The following ZNF841 variants were observed in gnomAD, a reference collection of about 807,000 sequenced individuals.
ZNF841 encodes the protein zinc finger protein 841.
In ZNF841, 11 loss-of-function variants were observed where a neutral mutation model predicts 13.0. The ratio of observed to expected loss-of-function variants is 0.85; its 90% CI spans 0.53 to 1.40. ZNF841 has a LOEUF of 1.40. ZNF841 is among the 40% of genes most tolerant of loss of function. The pLI, the probability that ZNF841 is intolerant of heterozygous loss-of-function variation, is 0.00. For missense variants in ZNF841, 1,068 were observed against 1,139.5 expected (o/e 0.94, Z 0.90); for synonymous variants, 369 against 381.6 (o/e 0.97, Z 0.38).
chr19:52,078,470 T>G (rs983395818), intron 4 of ZNF841, among the ~76,000 whole-genome samples: 1 of 151,954 alleles, frequency 6.6e-6, no homozygotes. Context: ...GAGGCCGAGG[T>G]GGGCGGATCA....
At position 52,079,447 on chromosome 19, in the gene ZNF841, A is replaced by C. The variant is rs1283948678; in HGVS notation, c.16-2363T>G. Among the ~76,000 whole-genome samples, 6 of 151,278 alleles carry C rather than the reference A, an allele frequency of 4.0e-5. No individual in the cohort carries two copies. In the East Asian group the frequency reaches 9.6e-4, roughly 24 times the overall value. Reference sequence around the variant, plus strand: ...GGAAATCTGTAAAAAAAAAAAAAAAAAAAAAACCCAAAAACTGTTAAGGAA... The same window carrying C: ...GGAAATCTGTAAAAAAAAAAAAAAACAAAAAACCCAAAAACTGTTAAGGAA... On this transcript the variant is annotated intron_variant, in intron 4 of 6. Coordinates refer to ENST00000594440, the MANE Select transcript of ZNF841 (RefSeq NM_001136499.2).
At chr19:52,091,791 T>C (rs540748006) in intron 2 of ZNF841, among the ~76,000 whole-genome samples, 16 of 152,168 alleles carry the variant, frequency 1.1e-4, no homozygotes, top group Non-Finnish European at 1.5e-4. Context: ...TTTTTGGATA[T>C]GACACCAAAA....
chr19:52,084,730 T>A (rs1031468318), intron 4 of ZNF841, 57 bp downstream of exon 4: 22 of 1,585,546 alleles, frequency 1.4e-5, no homozygotes, highest in Non-Finnish European at 1.9e-5. Context: ...GCAGCTCCAA[T>A]GCCCTGCATT....
chr19:52,079,283 T>G (rs1464282452), intron 4 of ZNF841, among the ~76,000 whole-genome samples: 1 of 152,052 alleles, frequency 6.6e-6, no homozygotes, highest in Non-Finnish European at 1.5e-5. Context: ...ATTCCACCAA[T>G]AAATAAAACA....
chr19:52,059,390 T>TACAC, the ZNF841 span, among the ~76,000 whole-genome samples: 91 of 96,340 alleles, frequency 9.4e-4, 1 homozygote, highest in East Asian at 8.9e-3. Context: ...TATATATATA[T>TACAC]ACACACACAC....
chr19:52,084,736 G>T, intron 4 of ZNF841, 51 bp downstream of exon 4: 2 of 1,602,104 alleles, frequency 1.2e-6, no homozygotes, highest in South Asian at 2.2e-5. Context: ...CCAATGCCCT[G>T]CATTTCAAAA....
intron 2 of ZNF841, among the ~76,000 whole-genome samples, chr19:52,091,104 T>C (rs2088483256): frequency 6.6e-6 from 1 of 152,172 alleles, no homozygotes; most frequent in Non-Finnish European, 1.5e-5. Context: ...ATATACTCTT[T>C]TGTCTTTGTC....
rs769172948 is a variant in ZNF841 at position 52,065,230 on chromosome 19, T to C, written c.2652A>G (p.Lys884=). The part of the protein sequence containing the change: ...EKPYKCNECG[K]SYISRSGLTK... ...TGAGGCCTGAGCGACTAATGTAAGA[T>C]TTGCCACACTCATTACATTTATAAG... Residue 884 remains lysine (K), a synonymous_variant, in exon 7 of 7, where the codon AAA becomes AAG. Coordinates refer to ENST00000594440, the MANE Select transcript of ZNF841 (RefSeq NM_001136499.2). 1.1e-5 allele frequency: 18 copies of C among 1,613,138 alleles called. 1 individual carries two copies. The highest frequency in any genetic ancestry group is 3.3e-4 in the Middle Eastern group (2 of 6,054).
intron 4 of ZNF841, among the ~76,000 whole-genome samples, chr19:52,084,283 G>A (rs374868929): frequency 6.6e-6 from 1 of 151,936 alleles, no homozygotes; most frequent in African/African-American, 2.4e-5. Context: ...TTCCATTCCC[G>A]GTCATTAAGA....
At chr19:52,071,619 T>C (rs2087740918) in intron 6 of ZNF841, among the ~76,000 whole-genome samples, 1 of 152,052 alleles carries the variant, frequency 6.6e-6, no homozygotes, top group Non-Finnish European at 1.5e-5. Flanking sequence ...TGTATGTAAT[T>C]GAAGTTAAGC....
downstream of ZNF841, among the ~76,000 whole-genome samples, chr19:52,062,067 G>T (rs1055062016): frequency 1.3e-5 from 2 of 152,090 alleles, no homozygotes; most frequent in Non-Finnish European, 1.5e-5. Flanking sequence ...CCTATTGCAG[G>T]TCCCCTTCTC....
chr19:52,077,467 C>T (rs1384765988), intron 4 of ZNF841, among the ~76,000 whole-genome samples: 1 of 152,148 alleles, frequency 6.6e-6, no homozygotes, highest in Non-Finnish European at 1.5e-5. Flanking sequence ...CTAAAAACAG[C>T]GATGACAAGA....
chr19:52,064,353 CAAAAAAAAAAAAA>C (rs56135758), downstream of ZNF841: 32 of 35,446 alleles, frequency 9.0e-4, no homozygotes, highest in East Asian at 1.8e-3. Flanking sequence ...ACTCCGTCTC[CAAAAAAAAAAAAA>C]AAAAAAAAAA....
chr19:52,067,677 AAC>A (rs1291310308), intron 6 of ZNF841, 67 bp from the exon 7 acceptor site: 15 of 1,139,986 alleles, frequency 1.3e-5, no homozygotes, highest in African/African-American at 1.6e-5. Context: ...TTATACTGAA[AAC>A]ACACTACGCT....
downstream of ZNF841, among the ~76,000 whole-genome samples, chr19:52,062,121 T>C (rs2087411874): frequency 6.6e-6 from 1 of 152,138 alleles, no homozygotes; most frequent in African/African-American, 2.4e-5. Context: ...AGGAAGCTAC[T>C]CTAAAAATCC....
At chr19:52,060,481 C>G (rs930232555), downstream of ZNF841, among the ~76,000 whole-genome samples, 3 of 152,132 alleles carry the variant, frequency 2.0e-5, no homozygotes, top group Non-Finnish European at 4.4e-5. Context: ...AGGTGAGGAA[C>G]CTGAGTCCTT....
At chr19:52,063,811 T>C (rs1017284111), downstream of ZNF841, 1 of 152,208 alleles carries the variant, frequency 6.6e-6, no homozygotes, top group Admixed American at 6.5e-5. Context: ...TTCAGACACC[T>C]CGGGGAAGCC....
At chr19:52,063,298 T>C (rs528932698), downstream of ZNF841, among the ~76,000 whole-genome samples, 1 of 152,174 alleles carries the variant, frequency 6.6e-6, no homozygotes, top group Non-Finnish European at 1.5e-5. Context: ...AGCACACTGA[T>C]ATGACTTTTT....
intron 2 of ZNF841, among the ~76,000 whole-genome samples, chr19:52,090,707 G>GAAAGAAAGAGAA (rs1555782712): frequency 8.5e-6 from 1 of 117,550 alleles, no homozygotes; most frequent in Non-Finnish European, 1.8e-5. Context: ...AAGAAAGAAA[G>GAAAGAAAGAGAA]AGAAAGAAAG....
Sources: gnomAD v4.1 joint callset for allele counts (sites outside exome capture counted in the v4.1 genomes callset) on GRCh38, gnomAD v4.1.1 for gene constraint, MANE v1.5 for transcripts, NCBI Gene and HGNC (gene_info 2026-07-23, HGNC 2026-07-21) for gene names.